Variants in BOK observed in about 807,000 individuals in gnomAD.
BOK encodes bcl-2-related ovarian killer protein.
A neutral mutation model predicts 18.3 loss-of-function variants in BOK; 20 were observed. That is an observed-to-expected ratio of 1.09 (90% CI 0.77 to 1.59). The LOEUF (loss-of-function observed/expected upper bound fraction) is 1.59, where lower values mean the gene tolerates loss of function less well. Ranked by LOEUF, BOK falls within the 40% of genes most tolerant of loss-of-function variation. The pLI is 0.00. For missense variants in BOK, 348 were observed against 307.9 expected (o/e 1.13, Z -0.97); for synonymous variants, 173 against 142.4 (o/e 1.21, Z -1.53).
intron 3 of BOK, among the ~76,000 whole-genome samples, chr2:241,565,096 C>T (rs111449555): frequency 3.9e-5 from 6 of 152,214 alleles, no homozygotes; most frequent in East Asian, 1.9e-4. Context: ...TGGGCGGCAC[C>T]GGCCAGGTGG....
At chr2:241,554,619 A>G (rs1559197064), upstream of BOK, among the ~76,000 whole-genome samples, 1 of 152,254 alleles carries the variant, frequency 6.6e-6, no homozygotes, top group Non-Finnish European at 1.5e-5. Flanking sequence ...GGGATCTCCC[A>G]GAGCTACCTG....
chr2:241,568,940 C>G (rs1030826564), intron 3 of BOK, among the ~76,000 whole-genome samples: 1 of 152,072 alleles, frequency 6.6e-6, no homozygotes, highest in Non-Finnish European at 1.5e-5. Context: ...ACAGTGTCCT[C>G]AGGCTAACTC....
At chr2:241,556,821 T>C (rs1474250936), upstream of BOK, among the ~76,000 whole-genome samples, 1 of 152,162 alleles carries the variant, frequency 6.6e-6, no homozygotes, top group East Asian at 1.9e-4. Flanking sequence ...ACTGGTGGTA[T>C]TTTTTTAACT....
rs1300682672 is a variant in BOK, at chr2:241,573,424, C to CCCT, written c.*1003_*1005dup. 6.6e-6 allele frequency: 1 copy of CCCT among 152,402 alleles called. No individual in the cohort carries two copies. The highest frequency in any genetic ancestry group is 1.5e-5 in the Non-Finnish European group (1 of 68,168). 9.4% of individuals were successfully genotyped at this position (152,402 alleles called of 1,614,324 possible). On this transcript the variant is annotated 3_prime_UTR_variant, in exon 5 of 5. Coordinates refer to ENST00000318407, the MANE Select transcript of BOK (RefSeq NM_032515.5). Reference sequence around the variant, plus strand: ...ATCTCAGGACATGAGTCCTCAGGGGCCCTGCACATTCAATCTGAAGGTGAC... The same window carrying CCCT: ...ATCTCAGGACATGAGTCCTCAGGGGCCCTCCTGCACATTCAATCTGAAGGTGAC...
At chr2:241,564,657 C>T (rs369661190) in intron 3 of BOK, among the ~76,000 whole-genome samples, 5 of 152,050 alleles carry the variant, frequency 3.3e-5, no homozygotes, top group Admixed American at 1.3e-4. Context: ...CCCCTCCTGC[C>T]GCCAGGGTGA....
chr2:241,561,727 G>A (rs1673215738), intron 2 of BOK, among the ~76,000 whole-genome samples: 1 of 136,980 alleles, frequency 7.3e-6, no homozygotes, highest in African/African-American at 2.8e-5. Context: ...GGCAGTGCGG[G>A]TGGCCCAGGA....
intron 3 of BOK, among the ~76,000 whole-genome samples, chr2:241,564,014 C>T (rs1173541071): frequency 1.3e-5 from 2 of 152,206 alleles, no homozygotes; most frequent in South Asian, 2.1e-4. Context: ...CTGACACCCT[C>T]GGCTGGAGGC....
chr2:241,565,150 G>A (rs2125050380), intron 3 of BOK, among the ~76,000 whole-genome samples: 1 of 152,236 alleles, frequency 6.6e-6, no homozygotes. Context: ...GTTTTCACTG[G>A]AAAACCGGAG....
intron 3 of BOK, among the ~76,000 whole-genome samples, chr2:241,568,991 T>TG (rs1389868360): frequency 3.3e-5 from 5 of 151,832 alleles, no homozygotes; most frequent in African/African-American, 7.3e-5. Context: ...GGACCGCTGC[T>TG]AACTCCCTGC....
At chr2:241,567,450 C>A (rs2066632897) in intron 3 of BOK, among the ~76,000 whole-genome samples, 1 of 135,058 alleles carries the variant, frequency 7.4e-6, no homozygotes, top group African/African-American at 2.9e-5. Flanking sequence ...TCTGATGGAA[C>A]CGGACACCTC....
chr2:241,559,142 G>T (rs1214431363), intron 1 of BOK, 149 bp downstream of exon 1: 2 of 186,398 alleles, frequency 1.1e-5, no homozygotes, highest in African/African-American at 4.7e-5. Flanking sequence ...GTCGCCGTGG[G>T]GGACGCGCTG....
intron 2 of BOK, chr2:241,559,966 T>G: frequency 1.4e-6 from 1 of 705,996 alleles, no homozygotes; most frequent in Non-Finnish European, 1.7e-6. Context: ...CCAGAAAGAA[T>G]AATCTATTAG....
Position 241,562,795 on chromosome 2 carries a change from G to A in BOK, c.349+319G>A, listed in dbSNP as rs908136168. On this transcript the variant is annotated intron_variant, in intron 3 of 4. Transcript: ENST00000318407. This position sits in a 1 kb window ranked among gnomAD's most constrained non-coding sequence, Gnocchi z 4.5. Reference sequence around the variant, plus strand: ...AGTCCTGTGGGGTGGCACGTCCTAGGGCTGCCTGGTTTCCTGCAGGGGCCC... The same window carrying A: ...AGTCCTGTGGGGTGGCACGTCCTAGAGCTGCCTGGTTTCCTGCAGGGGCCC... Among the ~76,000 whole-genome samples the A allele has an allele frequency of 3.3e-5, 5 of 152,326 alleles. No individual in the cohort carries two copies. Among genetic ancestry groups the A allele is most frequent in the East Asian group, 3.9e-4 (2 of 5,184 alleles).
chr2:241,559,045 A>C, intron 1 of BOK, 52 bp downstream of exon 1: 1 of 151,596 alleles, frequency 6.6e-6, no homozygotes, highest in South Asian at 2.1e-4. Flanking sequence ...GTGCCACGGG[A>C]ACGGCGAGGC....
rs754152649 is a variant in BOK, at chr2:241,562,345, C to T, written c.221-3C>T. 1.9e-5 allele frequency: 31 copies of T among 1,595,768 alleles called. No homozygotes were observed. Among genetic ancestry groups the T allele is most frequent in the Non-Finnish European group, 2.6e-5 (31 of 1,172,118 alleles). On this transcript the variant is annotated splice_region_variant and splice_polypyrimidine_tract_variant and intron_variant, in intron 2 of 4. Transcript: ENST00000318407. This position sits in a 1 kb window ranked among gnomAD's most constrained non-coding sequence, Gnocchi z 4.5. The stretch of plus-strand genomic sequence containing the variant: ...CCTCTCACCTGCTCTTGTGACCACA[C>T]AGGCGATGAGCTGGAGATGATCCGG...
At chr2:241,563,370 G>A (rs546459725) in intron 3 of BOK, among the ~76,000 whole-genome samples, 67 of 152,282 alleles carry the variant, frequency 4.4e-4, no homozygotes, top group Non-Finnish European at 8.8e-4. Context: ...TCCTGTCCTG[G>A]CACCCCGTGC....
rs2066550251 is a variant in BOK at position 241,562,728 on chromosome 2, G to T, written c.349+252G>T. Among the ~76,000 whole-genome samples the T allele has an allele frequency of 6.6e-6, 1 of 152,196 alleles. No individual in the cohort carries two copies. Among genetic ancestry groups the T allele is most frequent in the African/African-American group, 2.4e-5 (1 of 41,448 alleles). On this transcript the variant is annotated intron_variant, in intron 3 of 4. Transcript: ENST00000318407. The surrounding 1 kb of genome is among the most constrained non-coding windows in gnomAD (Gnocchi z 4.5). The stretch of plus-strand genomic sequence containing the variant: ...GCAGCTGGCACAGGCTTCTTGATTG[G>T]TTGTAGTTGTGGTCCAGCATCCGTG...
intron 3 of BOK, among the ~76,000 whole-genome samples, chr2:241,568,314 G>T (rs2066648282): frequency 6.6e-6 from 1 of 151,942 alleles, no homozygotes; most frequent in South Asian, 2.1e-4. Flanking sequence ...TAGAGATGGG[G>T]TTTCACCGTT....
chr2:241,565,058 C>T (rs993404295), intron 3 of BOK, among the ~76,000 whole-genome samples: 4 of 152,102 alleles, frequency 2.6e-5, no homozygotes, highest in African/African-American at 7.2e-5. Flanking sequence ...GATGGCTGGA[C>T]GAGCGGGCAC....
Sources: allele counts gnomAD v4.1 joint callset (sites outside exome capture counted in the v4.1 genomes callset), GRCh38; gene constraint gnomAD v4.1.1; non-coding constraint Gnocchi (gnomAD v3.1); transcripts MANE v1.5; gene names NCBI Gene and HGNC (gene_info 2026-07-23, HGNC 2026-07-21).